Variants in PGM2L1 observed in about 807,000 individuals in gnomAD.
PGM2L1 encodes glucose 1,6-bisphosphate synthase.
Under a neutral mutation model 73.4 loss-of-function variants are expected in PGM2L1, and 35 were observed. The observed-to-expected ratio is 0.48, with a 90% CI of 0.36 to 0.63. The LOEUF is 0.63. Ranked by LOEUF, PGM2L1 falls within the 30% of genes least tolerant of loss-of-function variation. PGM2L1 has a pLI of 0.00. For synonymous variants in PGM2L1, 225 were observed against 253.8 expected (o/e 0.89, Z 1.08); for missense variants, 570 against 742.0 (o/e 0.77, Z 2.69).
At chr11:74,357,096 G>A (rs1052004512) in intron 5 of PGM2L1, among the ~76,000 whole-genome samples, 5 of 152,140 alleles carry the variant, frequency 3.3e-5, no homozygotes, top group East Asian at 3.9e-4. Context: ...CAATCCACCC[G>A]CCTTGGTCTC....
intron 5 of PGM2L1, chr11:74,355,734 A>C (rs1388077117): frequency 2.0e-6 from 1 of 499,846 alleles, no homozygotes; most frequent in Non-Finnish European, 4.0e-6. Flanking sequence ...AATTACTGCC[A>C]GGAAACAAAG....
chr11:74,338,557 A>C lies in PGM2L1; in HGVS notation c.1677T>G (p.Phe559Leu), dbSNP rs1862133141. Residue 559 changes from phenylalanine to leucine, a missense_variant, in exon 13 of 14, where the codon TTT becomes TTG. By Grantham distance (22) the Phe-to-Leu change is conservative. Transcript: ENST00000298198. ...GAAGGGTAGCAACACAGCCATTTTG[A>C]AAAGTAAATGTAATCATTTGGCTGT... ...SKNSQMITFT[F>L]QNGCVATLRT... 3 of 1,608,026 alleles carry C rather than the reference A, an allele frequency of 1.9e-6. No homozygotes were observed. The highest frequency in any genetic ancestry group is 2.6e-6 in the Non-Finnish European group (3 of 1,175,412).
chr11:74,368,710 C>A, intron 4 of PGM2L1, 135 bp from the exon 5 acceptor site: 1 of 594,028 alleles, frequency 1.7e-6, no homozygotes, highest in Non-Finnish European at 2.9e-6. Context: ...TCTTTATTTT[C>A]TATTTACTTG....
chr11:74,347,902 G>A (rs188542866), intron 6 of PGM2L1, among the ~76,000 whole-genome samples: 2 of 152,256 alleles, frequency 1.3e-5, no homozygotes, highest in Admixed American at 1.3e-4. Flanking sequence ...AATGCTGCCA[G>A]GCAATCCTAC....
At chr11:74,365,025 C>A (rs1389500906) in intron 5 of PGM2L1, among the ~76,000 whole-genome samples, 2 of 151,776 alleles carry the variant, frequency 1.3e-5, no homozygotes, top group African/African-American at 2.4e-5. Flanking sequence ...AAATATAGAC[C>A]AATGGAACAG....
At chr11:74,357,522 A>C (rs780860779) in intron 5 of PGM2L1, among the ~76,000 whole-genome samples, 7 of 152,250 alleles carry the variant, frequency 4.6e-5, no homozygotes, top group Admixed American at 3.9e-4. Flanking sequence ...GAACACTGAC[A>C]ACAGCAAATG....
intron 5 of PGM2L1, among the ~76,000 whole-genome samples, chr11:74,363,982 C>T (rs547842223): frequency 1.2e-4 from 18 of 152,156 alleles, no homozygotes; most frequent in Middle Eastern, 3.4e-3. Context: ...ACTGGCAAAC[C>T]GAATCCAGCA....
chr11:74,343,774 T>C (rs1315014845), intron 9 of PGM2L1, among the ~76,000 whole-genome samples: 1 of 129,168 alleles, frequency 7.7e-6, no homozygotes, highest in East Asian at 2.1e-4. Flanking sequence ...ATTATCTTTT[T>C]TTTTTTTTTT....
chr11:74,345,000 T>C (rs1002102725), intron 9 of PGM2L1, among the ~76,000 whole-genome samples: 22 of 152,214 alleles, frequency 1.4e-4, no homozygotes, highest in Non-Finnish European at 2.9e-5. Context: ...ATAAGGTTAA[T>C]GATCTGGGCT....
chr11:74,336,825 T>G (rs1862104579), intron 13 of PGM2L1, 71 bp from the exon 14 acceptor site: 1 of 1,050,514 alleles, frequency 9.5e-7, no homozygotes, highest in African/African-American at 1.8e-5. Context: ...ATTAGTGTGA[T>G]TTTTTAAGAG....
intron 2 of PGM2L1, among the ~76,000 whole-genome samples, chr11:74,372,883 T>C (rs1862792846): frequency 6.6e-6 from 1 of 152,236 alleles, no homozygotes; most frequent in African/African-American, 2.4e-5. Flanking sequence ...GCTTAGTATA[T>C]CAGCTGGATT....
At chr11:74,345,342 G>A in intron 9 of PGM2L1, 127 bp downstream of exon 9, 3 of 937,458 alleles carry the variant, frequency 3.2e-6, no homozygotes, top group Non-Finnish European at 3.1e-6. Context: ...CTGAACAAGT[G>A]TTAACAGAAT....
Position 74,343,249 on chromosome 11 carries a change from A to C in PGM2L1, c.1312+74T>G. On this transcript the variant is annotated intron_variant, in intron 10 of 13. Coordinates refer to ENST00000298198, the MANE Select transcript of PGM2L1 (RefSeq NM_173582.6). The stretch of plus-strand genomic sequence containing the variant: ...ACTCAAAATATGAAACCAGAACACA[A>C]AAAACTCCTCCTACAGAATTACATT... 6 of 1,483,540 alleles carry C rather than the reference A, an allele frequency of 4.0e-6. No individual in the cohort carries two copies. In the South Asian group the frequency reaches 8.4e-5, roughly 21 times the overall value. 91.9% of individuals were successfully genotyped at this position (1,483,540 alleles called of 1,614,324 possible). A position where few individuals can be genotyped will look rare whatever the true frequency, so the allele number is the denominator to read the frequency against.
At chr11:74,343,115 T>C in intron 10 of PGM2L1, 101 bp from the exon 11 acceptor site, 4 of 1,435,090 alleles carry the variant, frequency 2.8e-6, no homozygotes, top group Non-Finnish European at 3.7e-6. Flanking sequence ...AAAAGCCTAG[T>C]AATAGATGAA....
rs770794767 is a variant in PGM2L1, at chr11:74,342,516, A to C, written c.1577T>G (p.Leu526Trp). 1.2e-6 allele frequency: 2 copies of C among 1,609,226 alleles called. No individual in the cohort carries two copies. The highest frequency in any genetic ancestry group is 1.7e-5 in the Admixed American group (1 of 59,374). Residue 526 changes from leucine (L) to tryptophan (W), a missense_variant, in exon 12 of 14, where the codon TTG (leucine) becomes TGG (tryptophan). Transcript: ENST00000298198. Reference sequence around the variant, plus strand: ...TCCAGTGGTAACGTCCCGTACATGCAATATAGCAAATGTTCCACAAAATTT... The same window carrying C: ...TCCAGTGGTAACGTCCCGTACATGCCATATAGCAAATGTTCCACAAAATTT... ...YPKFCGTFAI[L>W]HVRDVTTGYD...
chr11:74,342,879 A>G lies in PGM2L1; in HGVS notation c.1442+6T>C. On this transcript the variant is annotated splice_donor_region_variant and intron_variant, in intron 11 of 13. Coordinates refer to ENST00000298198, the MANE Select transcript of PGM2L1 (RefSeq NM_173582.6). ...AGCATGTGAAATTCATAATAGTAGA[A>G]CTTACTTTTCATAAACCTTAACCAG... 6.3e-7 allele frequency: 1 copy of G among 1,586,944 alleles called. No homozygotes were observed.
rs574586752 is a variant in PGM2L1 at position 74,392,033 on chromosome 11, G to A, written c.111+6018C>T. 2.6e-5 allele frequency among the ~76,000 whole-genome samples: 4 copies of A among 152,320 alleles called. No homozygotes were observed. In the South Asian group the frequency reaches 8.3e-4, roughly 32 times the overall value. On this transcript the variant is annotated intron_variant, in intron 1 of 13. Transcript: ENST00000298198. ...ATTTAGGAGACATAGAGAATAGTGA[G>A]TGAATTCCCATTTTTTATAGCACAG...
intron 5 of PGM2L1, among the ~76,000 whole-genome samples, chr11:74,367,479 T>G (rs1345742967): frequency 1.3e-5 from 2 of 152,228 alleles, no homozygotes; most frequent in Non-Finnish European, 2.9e-5. Context: ...ATTCAACCTC[T>G]ATTTTAGACA....
intron 1 of PGM2L1, among the ~76,000 whole-genome samples, chr11:74,392,765 C>T (rs1863122048): frequency 6.6e-6 from 1 of 152,220 alleles, no homozygotes; most frequent in African/African-American, 2.4e-5. Flanking sequence ...TGGTCTCGAT[C>T]TCCTGACCTT....
Sources: gnomAD v4.1 joint callset for allele counts (sites outside exome capture counted in the v4.1 genomes callset) on GRCh38, gnomAD v4.1.1 for gene constraint, MANE v1.5 for transcripts, NCBI Gene and HGNC (gene_info 2026-07-23, HGNC 2026-07-21) for gene names.